UBE2Z: variants seen among roughly 807,000 people sequenced by gnomAD.
UBE2Z encodes the protein ubiquitin conjugating enzyme E2 Z.
In UBE2Z, 10 loss-of-function variants were observed where a neutral mutation model predicts 32.6. The ratio of observed to expected loss-of-function variants is 0.31; its 90% CI spans 0.19 to 0.52. The LOEUF is 0.52. UBE2Z is among the 20% of genes least tolerant of loss of function. The pLI is 0.97. For missense variants in UBE2Z, 343 were observed against 480.9 expected (o/e 0.71, Z 2.68); for synonymous variants, 183 against 190.8 (o/e 0.96, Z 0.34).
intron 2 of UBE2Z, chr17:48,912,633 C>G (rs2040688517): frequency 1.8e-6 from 1 of 564,762 alleles, no homozygotes; most frequent in Non-Finnish European, 3.1e-6. Context: ...TGTCATTCCA[C>G]TGTAATGAGA....
Position 48,927,092 on chromosome 17 carries a change from A to T in UBE2Z, c.1023A>T (p.Ser341=), listed in dbSNP as rs145854510. Residue 341 remains serine (S), a synonymous_variant, in exon 7 of 7, where the codon TCA becomes TCT. Transcript: ENST00000360943. ...ENAEMDSDSS[S]SGTETDLHGS... is the part of the protein sequence containing the mutation. Reference sequence around the variant, plus strand: ...CAGAAATGGACTCTGATAGCAGTTCATCTGGGACAGAGACAGACCTTCATG... The same window carrying T: ...CAGAAATGGACTCTGATAGCAGTTCTTCTGGGACAGAGACAGACCTTCATG... 14 of 1,613,984 alleles carry T rather than the reference A, an allele frequency of 8.7e-6. No homozygotes were observed. The highest frequency in any genetic ancestry group is 1.1e-5 in the Non-Finnish European group (13 of 1,179,874).
In UBE2Z at chr17:48,927,226, T is replaced by C. The variant is rs1318760155; in HGVS notation, c.*92T>C. On this transcript the variant is annotated 3_prime_UTR_variant, in exon 7 of 7. Coordinates refer to ENST00000360943, the MANE Select transcript of UBE2Z (RefSeq NM_023079.5). ...GATGGAGAGGCACTGTGTATCTCCC[T>C]CCAGACTCGAAGTCATCCTGCAAGA... The C allele has an allele frequency of 7.4e-7, 1 of 1,356,120 alleles. No homozygotes were observed. The highest frequency in any genetic ancestry group is 1.4e-5 in the African/African-American group (1 of 69,118). The allele number at this position is 1,356,120 out of a possible 1,614,324, so 84.0% of individuals were successfully genotyped here.
intron 6 of UBE2Z, chr17:48,923,157 TA>T (rs2040774161): frequency 5.5e-6 from 2 of 363,374 alleles, no homozygotes; most frequent in South Asian, 7.2e-5. Context: ...CCGTCTCTAC[TA>T]AAAATACAAA....
Position 48,913,034 on chromosome 17 carries a change from T to C in UBE2Z, c.578+13T>C, listed in dbSNP as rs754458796. Reference sequence around the variant, plus strand: ...TGAGTATTCTAGGGTAAGAGGAGACTTTTAAGTAGCCAAGTCGGTTGTTAG... The same window carrying C: ...TGAGTATTCTAGGGTAAGAGGAGACCTTTAAGTAGCCAAGTCGGTTGTTAG... On this transcript the variant is annotated intron_variant, in intron 3 of 6. Transcript: ENST00000360943. 6.2e-7 allele frequency: 1 copy of C among 1,610,456 alleles called. No individual in the cohort carries two copies. Among genetic ancestry groups the C allele is most frequent in the South Asian group, 1.1e-5 (1 of 91,032 alleles).
intron 3 of UBE2Z, among the ~76,000 whole-genome samples, chr17:48,914,373 A>G (rs1028560229): frequency 1.3e-5 from 2 of 152,192 alleles, no homozygotes; most frequent in Non-Finnish European, 2.9e-5. Flanking sequence ...ACTTAGAGAC[A>G]TGATTCATTT....
chr17:48,909,483 C>G (rs2040659556), intron 1 of UBE2Z, among the ~76,000 whole-genome samples: 1 of 151,732 alleles, frequency 6.6e-6, no homozygotes, highest in Non-Finnish European at 1.5e-5. Context: ...CCCCCAATTC[C>G]CCAGTGCCAC....
At chr17:48,910,209 A>G (rs2040666150) in intron 1 of UBE2Z, 1 of 152,900 alleles carries the variant, frequency 6.5e-6, no homozygotes, top group South Asian at 2.1e-4. Flanking sequence ...GTCATCTTCC[A>G]GATGGGAGAT....
chr17:48,913,835 C>T (rs1479040323), intron 3 of UBE2Z, among the ~76,000 whole-genome samples: 5 of 152,100 alleles, frequency 3.3e-5, no homozygotes, highest in Non-Finnish European at 7.4e-5. Flanking sequence ...GCTTTGAAGG[C>T]AGTGGCGGTG....
At chr17:48,908,906 C>T in intron 1 of UBE2Z, 86 bp downstream of exon 1, 1 of 1,036,092 alleles carries the variant, frequency 9.7e-7, no homozygotes, top group Non-Finnish European at 1.2e-6. Context: ...CAACTCACCC[C>T]CCACCCACTG....
chr17:48,923,010 T>G (rs1435040504), intron 6 of UBE2Z, 73 bp downstream of exon 6: 4 of 1,352,788 alleles, frequency 3.0e-6, no homozygotes, highest in South Asian at 1.3e-5. Context: ...AAGCGTGGCA[T>G]CGACAGCTGT....
At position 48,908,544 on chromosome 17, in the gene UBE2Z, C is replaced by T; in HGVS notation, c.41C>T (p.Ala14Val). 8.1e-7 allele frequency: 1 copy of T among 1,236,078 alleles called. No individual in the cohort carries two copies. The highest frequency in any genetic ancestry group is 1.0e-6 in the Non-Finnish European group (1 of 988,550). 76.6% of individuals were successfully genotyped at this position (1,236,078 alleles called of 1,614,324 possible). A position where few individuals can be genotyped will look rare whatever the true frequency, so the allele number is the denominator to read the frequency against. ...ACTGAGGAGGCGGCAACGGCGGGCG[C>T]CGGGGCGGCGGGCCCCGGGGCGAGC... ...SPTEEAATAG[A>V]GAAGPGASSV... Residue 14 changes from alanine (A) to valine (V), a missense_variant, in exon 1 of 7, where the codon GCC (alanine) becomes GTC (valine). Physicochemically the swap from Ala to Val is moderately conservative, Grantham distance 64. Transcript: ENST00000360943.
At position 48,916,146 on chromosome 17, in the gene UBE2Z, A is replaced by T; in HGVS notation, c.649A>T (p.Met217Leu). ...SSVLISIQSL[M>L]TENPYHNEPG... ...AGTGCTCATCTCTATCCAGTCCCTGATGACTGAGAACCCCTATCACAATGA... is the reference window on the plus strand; with the variant it reads ...AGTGCTCATCTCTATCCAGTCCCTGTTGACTGAGAACCCCTATCACAATGA... The change falls in exon 4 of 7, where the codon ATG becomes TTG. Residue 217 changes from methionine (M) to leucine (L), a missense_variant. Coordinates refer to ENST00000360943, the MANE Select transcript of UBE2Z (RefSeq NM_023079.5). The T allele has an allele frequency of 6.3e-7, 1 of 1,584,808 alleles. No homozygotes were observed. Among genetic ancestry groups the T allele is most frequent in the Non-Finnish European group, 8.6e-7 (1 of 1,167,752 alleles).
At chr17:48,909,244 C>T (rs2040656709) in intron 1 of UBE2Z, among the ~76,000 whole-genome samples, 1 of 151,526 alleles carries the variant, frequency 6.6e-6, no homozygotes, top group Admixed American at 6.6e-5. Flanking sequence ...TCGGTCCCCT[C>T]TCTTCTCCTC....
At chr17:48,910,164 G>A (rs1279516291) in intron 1 of UBE2Z, among the ~76,000 whole-genome samples, 1 of 152,102 alleles carries the variant, frequency 6.6e-6, no homozygotes, top group Admixed American at 6.6e-5. Flanking sequence ...GGTGAGATAT[G>A]AGTCAGAAAT....
chr17:48,926,901 G>T, intron 6 of UBE2Z, 63 bp from the exon 7 acceptor site: 1 of 1,534,852 alleles, frequency 6.5e-7, no homozygotes, highest in South Asian at 1.2e-5. Flanking sequence ...GCCCGAAGTT[G>T]CTTTCTCTAG....
chr17:48,912,791 G>C, intron 2 of UBE2Z, 43 bp from the exon 3 acceptor site: 1 of 1,606,638 alleles, frequency 6.2e-7, no homozygotes, highest in South Asian at 1.1e-5. Context: ...GGCTTGGGGT[G>C]GGTCATCACC....
Position 48,921,210 on chromosome 17 carries a change from G to A in UBE2Z, c.741G>A (p.Glu247=), listed in dbSNP as rs57077857. The A allele has an allele frequency of 4.9e-3, 7,978 of 1,613,032 alleles. 225 individuals are homozygous for A. In the South Asian group the frequency reaches 0.06, roughly 12 times the overall value. The change falls in exon 5 of 7, where the codon GAG becomes GAA. Residue 247 remains glutamate (E), a synonymous_variant. Transcript: ENST00000360943. ...SKNYNECIRH[E]TIRVAVCDMM... ...ACTATAATGAATGTATCCGGCACGA[G>A]ACCATCAGAGTTGCAGTCTGTGACA...
intron 4 of UBE2Z, among the ~76,000 whole-genome samples, chr17:48,917,980 A>G (rs1451979179): frequency 6.6e-6 from 1 of 152,214 alleles, no homozygotes; most frequent in African/African-American, 2.4e-5. Context: ...ATTGTTACCC[A>G]GGCTGGAGTG....
At chr17:48,926,539 G>T (rs1054404658) in intron 6 of UBE2Z, among the ~76,000 whole-genome samples, 1 of 149,282 alleles carries the variant, frequency 6.7e-6, no homozygotes, top group Non-Finnish European at 1.5e-5. Context: ...GTAATGGTGC[G>T]ATCTCGATCT....
Sources: gnomAD v4.1 joint callset for allele counts (sites outside exome capture counted in the v4.1 genomes callset) on GRCh38, gnomAD v4.1.1 for gene constraint, MANE v1.5 for transcripts, NCBI Gene and HGNC (gene_info 2026-07-23, HGNC 2026-07-21) for gene names.